Variants in ROBO2 observed in about 807,000 individuals in gnomAD.
ROBO2 encodes roundabout homolog 2.
ROBO2 carries 53 observed loss-of-function variants against 160.8 expected under a neutral mutation model. That is an observed-to-expected ratio of 0.33 (90% CI 0.26 to 0.41). The LOEUF is 0.41. Among genes scored for constraint, ROBO2 ranks in the 10% least tolerant of loss-of-function variants. ROBO2 has a pLI of 1.00. For synonymous variants in ROBO2, 664 were observed against 611.7 expected, an observed-to-expected ratio of 1.09 and a Z score of -1.26; for missense variants, 1,577 against 1,722.4, an observed-to-expected ratio of 0.92 and a Z score of 1.49.
At chr3:77,258,277 G>A (rs2058547981) in intron 2 of ROBO2, among the ~76,000 whole-genome samples, 1 of 152,150 alleles carries the variant, frequency 6.6e-6, no homozygotes, top group South Asian at 2.1e-4. Context: ...GATTACTGCT[G>A]GCTTAAGTTA....
At chr3:77,640,616 A>G (rs2095337902) in intron 24 of ROBO2, among the ~76,000 whole-genome samples, 1 of 152,162 alleles carries the variant, frequency 6.6e-6, no homozygotes, top group African/African-American at 2.4e-5. Flanking sequence ...AATGGCACCT[A>G]TCTCATTGGA....
At chr3:76,529,239 C>T (rs557404576) in intron 2 of ROBO2, among the ~76,000 whole-genome samples, 11 of 152,292 alleles carry the variant, frequency 7.2e-5, no homozygotes, top group African/African-American at 2.6e-4. Context: ...AGCCATAGAG[C>T]TATCTTGTGG....
intron 2 of ROBO2, among the ~76,000 whole-genome samples, chr3:76,603,347 AAAAAATATATATAT>A (rs1241942942): frequency 6.0e-4 from 27 of 45,046 alleles, no homozygotes; most frequent in South Asian, 2.8e-3. Flanking sequence ...AAAAAAAAAA[AAAAAATATATATAT>A]ATATATATAT....
intron 2 of ROBO2, among the ~76,000 whole-genome samples, chr3:76,907,826 GTGTGTGTGT>G (rs2075710794): frequency 8.9e-6 from 1 of 111,944 alleles, no homozygotes; most frequent in African/African-American, 2.9e-5. Context: ...TGTTTGGGGT[GTGTGTGTGT>G]GTGTGTGTGT....
At chr3:76,272,716 T>TATATTC (rs1254846297) in intron 2 of ROBO2, among the ~76,000 whole-genome samples, 104 of 99,678 alleles carry the variant, frequency 1.0e-3, no homozygotes, top group Middle Eastern at 4.9e-3. Flanking sequence ...AAAATATATA[T>TATATTC]TATATACACA....
chr3:76,363,143 G>A (rs773058758), intron 2 of ROBO2, among the ~76,000 whole-genome samples: 6 of 151,834 alleles, frequency 4.0e-5, no homozygotes, highest in Non-Finnish European at 7.4e-5. Flanking sequence ...GGTAGCACTC[G>A]ATAAAATTTA....
At chr3:76,924,479 T>A (rs2076856766) in intron 2 of ROBO2, among the ~76,000 whole-genome samples, 1 of 152,218 alleles carries the variant, frequency 6.6e-6, no homozygotes. Flanking sequence ...GATCTTGGGC[T>A]TCCTATCCCC....
intron 1 of ROBO2, among the ~76,000 whole-genome samples, chr3:77,095,576 G>A (rs893721228): frequency 6.6e-6 from 1 of 152,040 alleles, no homozygotes; most frequent in Non-Finnish European, 1.5e-5. Context: ...GGAGATTCAT[G>A]GAGAACAAAG....
intron 2 of ROBO2, among the ~76,000 whole-genome samples, chr3:77,469,795 C>A (rs2153579053): frequency 6.6e-6 from 1 of 152,240 alleles, no homozygotes; most frequent in South Asian, 2.1e-4. Context: ...ACACTGTGGT[C>A]TATTTTATAT....
chr3:77,337,343 C>T (rs2066594583), intron 2 of ROBO2, among the ~76,000 whole-genome samples: 1 of 152,110 alleles, frequency 6.6e-6, no homozygotes, highest in Admixed American at 6.6e-5. Context: ...GGCATCTCTT[C>T]CTCAAGATTA....
intron 2 of ROBO2, among the ~76,000 whole-genome samples, chr3:76,076,497 G>T (rs547407583): frequency 1.3e-5 from 2 of 152,276 alleles, no homozygotes; most frequent in South Asian, 2.1e-4. Context: ...TTTATAGAGG[G>T]TGGAGGTGCT....
chr3:77,395,183 T>C (rs2075148332), intron 2 of ROBO2, among the ~76,000 whole-genome samples: 1 of 152,144 alleles, frequency 6.6e-6, no homozygotes, highest in Non-Finnish European at 1.5e-5. Context: ...ATAGATTGAT[T>C]TTAATGTAGT....
intron 12 of ROBO2, among the ~76,000 whole-genome samples, chr3:77,567,767 A>G (rs2093526603): frequency 6.6e-6 from 1 of 152,010 alleles, no homozygotes; most frequent in Admixed American, 6.6e-5. Context: ...TTTACCTTTA[A>G]TGACAGAATT....
intron 2 of ROBO2, among the ~76,000 whole-genome samples, chr3:76,816,994 T>C (rs2065722676): frequency 1.3e-5 from 2 of 152,118 alleles, no homozygotes; most frequent in Non-Finnish European, 2.9e-5. Context: ...CGCCGCATGT[T>C]CTCACTCATA....
intron 2 of ROBO2, among the ~76,000 whole-genome samples, chr3:76,083,987 C>T (rs1193548809): frequency 6.6e-6 from 1 of 152,000 alleles, no homozygotes; most frequent in East Asian, 1.9e-4. Flanking sequence ...TGCTCTTAGT[C>T]TATTGTTTTT....
At chr3:77,425,195 G>GA (rs147560096) in intron 2 of ROBO2, among the ~76,000 whole-genome samples, 15,064 of 104,354 alleles carry the variant, frequency 0.14, 807 homozygotes, top group South Asian at 0.21. Context: ...GCAATGGCAA[G>GA]AAAAAAAAAA....
chr3:76,603,347 A>ATATATATGT (rs1331513840), intron 2 of ROBO2, among the ~76,000 whole-genome samples: 24 of 45,056 alleles, frequency 5.3e-4, no homozygotes, highest in African/African-American at 2.5e-3. Context: ...AAAAAAAAAA[A>ATATATATGT]AAAAATATAT....
At chr3:76,619,265 G>A (rs1240364611) in intron 2 of ROBO2, among the ~76,000 whole-genome samples, 3 of 151,256 alleles carry the variant, frequency 2.0e-5, no homozygotes, top group Admixed American at 6.6e-5. Flanking sequence ...GCGTGAACCC[G>A]GGAGGCGGAG....
Position 77,098,795 on chromosome 3 carries a change from G to A in ROBO2, c.388+455G>A, listed in dbSNP as rs570035866. Among the ~76,000 whole-genome samples the A allele has an allele frequency of 7.8e-3, 1,194 of 152,232 alleles. 8 individuals are homozygous for A. The highest frequency in any genetic ancestry group is 0.012 in the Non-Finnish European group (829 of 68,022). On this transcript the variant is annotated intron_variant, in intron 2 of 25. Coordinates refer to ENST00000461745, the Ensembl canonical transcript of ROBO2. The stretch of plus-strand genomic sequence containing the variant: ...GGTGTGAACCCGGGAGGCGGAGCTT[G>A]CAGTGAGCCGAGATCGCGCCACTGC...
Sources: gnomAD v4.1 joint callset for allele counts (sites outside exome capture counted in the v4.1 genomes callset) on GRCh38, gnomAD v4.1.1 for gene constraint, MANE v1.5 for transcripts, NCBI Gene and HGNC (gene_info 2026-07-23, HGNC 2026-07-21) for gene names.